The following CNTNAP2 variants were observed in gnomAD, a reference collection of about 807,000 sequenced individuals.
CNTNAP2 encodes contactin-associated protein-like 2.
In CNTNAP2, 98 loss-of-function variants were observed where a neutral mutation model predicts 155.2. That is an observed-to-expected ratio of 0.63 (90% CI 0.54 to 0.75). CNTNAP2 has a LOEUF of 0.75. Ranked by LOEUF, CNTNAP2 falls within the 30% of genes least tolerant of loss-of-function variation. The pLI is 0.00. For missense variants in CNTNAP2, 1,727 were observed against 1,688.1 expected (o/e 1.02, Z -0.40); for synonymous variants, 651 against 631.2 (o/e 1.03, Z -0.47).
intron 1 of CNTNAP2, among the ~76,000 whole-genome samples, chr7:146,737,744 T>A (rs1424701196): frequency 6.6e-6 from 1 of 152,114 alleles, no homozygotes; most frequent in Non-Finnish European, 1.5e-5. Context: ...TTGTCTTTTG[T>A]CTTTCTGTGC....
At chr7:146,406,954 T>C (rs766500987) in intron 1 of CNTNAP2, among the ~76,000 whole-genome samples, 4 of 152,212 alleles carry the variant, frequency 2.6e-5, no homozygotes, top group African/African-American at 9.6e-5. Context: ...TGTTACAAAG[T>C]TAGTCCTTAT....
chr7:147,235,491 C>T (rs1399243264), intron 8 of CNTNAP2, among the ~76,000 whole-genome samples: 1 of 152,064 alleles, frequency 6.6e-6, no homozygotes, highest in African/African-American at 2.4e-5. Context: ...TGCCTTTTCC[C>T]TTGGCAATTA....
intron 15 of CNTNAP2, among the ~76,000 whole-genome samples, chr7:148,033,687 A>T (rs1802523298): frequency 6.6e-6 from 1 of 152,216 alleles, no homozygotes; most frequent in Admixed American, 6.5e-5. Context: ...ATTGAGCATT[A>T]ACATGTTCAG....
At chr7:148,185,466 T>C (rs912332653) in intron 18 of CNTNAP2, among the ~76,000 whole-genome samples, 1 of 152,228 alleles carries the variant, frequency 6.6e-6, no homozygotes, top group African/African-American at 2.4e-5. Context: ...TGCTACATTG[T>C]AGAAAGTACA....
At chr7:148,226,085 A>G (rs1414621778) in intron 19 of CNTNAP2, among the ~76,000 whole-genome samples, 1 of 152,204 alleles carries the variant, frequency 6.6e-6, no homozygotes, top group Non-Finnish European at 1.5e-5. Context: ...TCTTAGTAAG[A>G]AACTACTCCT....
At chr7:147,123,643 A>G (rs1352202971) in intron 6 of CNTNAP2, among the ~76,000 whole-genome samples, 1 of 152,246 alleles carries the variant, frequency 6.6e-6, no homozygotes, top group Non-Finnish European at 1.5e-5. Flanking sequence ...AGAGACTGCA[A>G]TTATTGGCAT....
chr7:147,431,760 C>T (rs1169290787), intron 10 of CNTNAP2, among the ~76,000 whole-genome samples: 1 of 152,168 alleles, frequency 6.6e-6, no homozygotes, highest in Non-Finnish European at 1.5e-5. Context: ...TCCATGACAT[C>T]CCACTCTTGT....
intron 1 of CNTNAP2, among the ~76,000 whole-genome samples, chr7:146,145,565 C>G (rs927774360): frequency 6.6e-6 from 1 of 152,110 alleles, no homozygotes; most frequent in South Asian, 2.1e-4. Context: ...GCCTGTGTGC[C>G]GGTTTCCCAG....
At position 148,307,506 on chromosome 7, in the gene CNTNAP2, G is replaced by C. The variant is rs145759713; in HGVS notation, c.3475+40380G>C. On this transcript the variant is annotated intron_variant, in intron 21 of 23. Coordinates refer to ENST00000361727, the MANE Select transcript of CNTNAP2 (RefSeq NM_014141.6). Reference sequence around the variant, plus strand: ...TTCTGCTGTTTTTCAGCTCTAAAAAGGTTGTTATCATCCCCTGCCTCATGA... The same window carrying C: ...TTCTGCTGTTTTTCAGCTCTAAAAACGTTGTTATCATCCCCTGCCTCATGA... 7.4e-3 allele frequency among the ~76,000 whole-genome samples: 1,127 copies of C among 152,104 alleles called. 13 individuals are homozygous for C. Among genetic ancestry groups the C allele is most frequent in the African/African-American group, 0.026 (1,088 of 41,406 alleles).
chr7:148,331,967 T>A (rs12673733), intron 21 of CNTNAP2, among the ~76,000 whole-genome samples: 88,787 of 151,964 alleles, frequency 0.58, 26,440 homozygotes, highest in African/African-American at 0.67. Flanking sequence ...TTTGATCACA[T>A]TTCCAGATGC....
chr7:146,791,873 G>A (rs1387065957), intron 2 of CNTNAP2, among the ~76,000 whole-genome samples: 1 of 152,264 alleles, frequency 6.6e-6, no homozygotes, highest in African/African-American at 2.4e-5. Flanking sequence ...TGCTGTTTCT[G>A]TTTATTGGAT....
At chr7:146,848,735 T>C (rs1436732413) in intron 3 of CNTNAP2, among the ~76,000 whole-genome samples, 2 of 152,172 alleles carry the variant, frequency 1.3e-5, no homozygotes, top group Admixed American at 6.5e-5. Context: ...AACTGCGTTT[T>C]TCCTGACTTT....
At chr7:146,623,632 C>G (rs540414101) in intron 1 of CNTNAP2, among the ~76,000 whole-genome samples, 206 of 152,190 alleles carry the variant, frequency 1.4e-3, no homozygotes, top group African/African-American at 4.8e-3. Context: ...ATAGTTGTAT[C>G]ACAGTTTATC....
chr7:146,415,640 A>ATT (rs1795927397), intron 1 of CNTNAP2, among the ~76,000 whole-genome samples: 1 of 97,972 alleles, frequency 1.0e-5, no homozygotes, highest in Admixed American at 9.9e-5. Flanking sequence ...TAATTAAGAC[A>ATT]CTCCACTTTT....
At chr7:146,400,998 T>C (rs1463976360) in intron 1 of CNTNAP2, among the ~76,000 whole-genome samples, 1 of 152,226 alleles carries the variant, frequency 6.6e-6, no homozygotes, top group African/African-American at 2.4e-5. Context: ...TGACTTGGTA[T>C]TGTTTGATTG....
chr7:147,559,930 A>G (rs57532131), intron 11 of CNTNAP2, among the ~76,000 whole-genome samples: 68,793 of 150,430 alleles, frequency 0.46, 15,909 homozygotes, highest in East Asian at 0.61. Context: ...CAGCACTTTG[A>G]GAGGCCGAGG....
intron 3 of CNTNAP2, among the ~76,000 whole-genome samples, chr7:147,025,702 A>C (rs1798905585): frequency 6.6e-6 from 1 of 152,000 alleles, no homozygotes; most frequent in South Asian, 2.1e-4. Context: ...CAAATTAAAA[A>C]ATAAAGGCAA....
rs1191696458 is a variant in CNTNAP2 at position 146,721,649 on chromosome 7, ATATT to A, written c.98-52621_98-52618del. Among the ~76,000 whole-genome samples the A allele has an allele frequency of 5.0e-5, 6 of 119,244 alleles. No homozygotes were observed. In the East Asian group the frequency reaches 6.5e-4, roughly 13 times the overall value. The allele number at this position is 119,244 out of a possible 152,430, so 78.2% of individuals were successfully genotyped here. ...TATACATTCTATATATATTCTATATATATTCTATATACATTCTATATATATACTA... is the reference window on the plus strand; with the variant it reads ...TATACATTCTATATATATTCTATATACTATATACATTCTATATATATACTA... On this transcript the variant is annotated intron_variant, in intron 1 of 23. Coordinates refer to ENST00000361727, the MANE Select transcript of CNTNAP2 (RefSeq NM_014141.6).
At chr7:146,764,258 C>T (rs1027517598) in intron 1 of CNTNAP2, among the ~76,000 whole-genome samples, 6 of 152,098 alleles carry the variant, frequency 3.9e-5, no homozygotes, top group South Asian at 4.1e-4. Flanking sequence ...CTAGGTAGCT[C>T]GACCTTCTTA....
Sources: gnomAD v4.1 joint callset for allele counts (sites outside exome capture counted in the v4.1 genomes callset) on GRCh38, gnomAD v4.1.1 for gene constraint, MANE v1.5 for transcripts, NCBI Gene and HGNC (gene_info 2026-07-23, HGNC 2026-07-21) for gene names.